Variants in FILIP1 observed in about 807,000 individuals in gnomAD.
FILIP1 encodes filamin-A-interacting protein 1.
FILIP1 carries 61 observed loss-of-function variants against 102.1 expected under a neutral mutation model. The observed-to-expected ratio is 0.60, with a 90% CI of 0.49 to 0.74. The LOEUF (loss-of-function observed/expected upper bound fraction) is 0.74, where lower values mean the gene tolerates loss of function less well. Ranked by LOEUF, FILIP1 falls within the 30% of genes least tolerant of loss-of-function variation. The pLI is 0.00. For missense variants in FILIP1, 1,314 were observed against 1,441.2 expected (o/e 0.91, Z 1.43); for synonymous variants, 491 against 526.9 (o/e 0.93, Z 0.93).
intron 4 of FILIP1, among the ~76,000 whole-genome samples, chr6:75,333,814 TG>T (rs1774154492): frequency 1.3e-5 from 2 of 152,304 alleles, no homozygotes; most frequent in South Asian, 4.1e-4. Context: ...ATTTAGACAA[TG>T]TTTTTTGGCA....
At chr6:75,444,724 G>A (rs1455522599) in intron 1 of FILIP1, among the ~76,000 whole-genome samples, 1 of 152,038 alleles carries the variant, frequency 6.6e-6, no homozygotes, top group Non-Finnish European at 1.5e-5. Flanking sequence ...TGTGTGACTG[G>A]CACAGATTTA....
At chr6:75,411,578 G>A (rs532223157) in intron 2 of FILIP1, among the ~76,000 whole-genome samples, 3 of 151,734 alleles carry the variant, frequency 2.0e-5, no homozygotes, top group Non-Finnish European at 4.4e-5. Flanking sequence ...TTAATCCATC[G>A]AGTTAATTTT....
chr6:75,491,636 C>G (rs1779961071), intron 1 of FILIP1, among the ~76,000 whole-genome samples: 1 of 152,120 alleles, frequency 6.6e-6, no homozygotes, highest in Non-Finnish European at 1.5e-5. Flanking sequence ...GGGAAAGGGA[C>G]AGTTCCAAAA....
chr6:75,442,652 G>A (rs985612811), intron 1 of FILIP1, among the ~76,000 whole-genome samples: 15 of 152,248 alleles, frequency 9.9e-5, no homozygotes, highest in Non-Finnish European at 2.1e-4. Context: ...CACTCGGCAG[G>A]CTGAGGCAGG....
At chr6:75,320,420 A>C (rs894270165) in intron 4 of FILIP1, among the ~76,000 whole-genome samples, 37 of 152,028 alleles carry the variant, frequency 2.4e-4, no homozygotes, top group Middle Eastern at 3.4e-3. Context: ...AAAGCAAAAA[A>C]ACAAAAATTA....
At chr6:75,463,603 G>A (rs1315445888) in intron 1 of FILIP1, among the ~76,000 whole-genome samples, 1 of 151,910 alleles carries the variant, frequency 6.6e-6, no homozygotes, top group Non-Finnish European at 1.5e-5. Flanking sequence ...ATAAAATAAG[G>A]GTTCTTTGCA....
At chr6:75,351,303 T>C (rs1582383248) in intron 4 of FILIP1, among the ~76,000 whole-genome samples, 1 of 152,196 alleles carries the variant, frequency 6.6e-6, no homozygotes, top group African/African-American at 2.4e-5. Flanking sequence ...CCCCAGGTGA[T>C]CTGTCTGCCT....
intron 1 of FILIP1, among the ~76,000 whole-genome samples, chr6:75,452,253 C>T (rs749389193): frequency 1.1e-4 from 17 of 151,850 alleles, no homozygotes; most frequent in Admixed American, 2.0e-4. Flanking sequence ...TGCTATCCCT[C>T]CCCCTTGCCC....
intron 1 of FILIP1, among the ~76,000 whole-genome samples, chr6:75,459,064 G>A (rs1233740411): frequency 1.3e-5 from 2 of 152,154 alleles, no homozygotes; most frequent in Non-Finnish European, 2.9e-5. Flanking sequence ...TGCCACATAA[G>A]GTTTGCCTGG....
intron 2 of FILIP1, chr6:75,367,320 G>T (rs924630249): frequency 6.6e-6 from 1 of 151,956 alleles, no homozygotes; most frequent in East Asian, 1.9e-4. Flanking sequence ...CTTACTAAAG[G>T]CTCTTTAATT....
intron 1 of FILIP1, among the ~76,000 whole-genome samples, chr6:75,426,026 C>T (rs1037378670): frequency 1.3e-5 from 2 of 152,112 alleles, no homozygotes; most frequent in African/African-American, 4.8e-5. Flanking sequence ...GTCTCTGTTG[C>T]ATCTACTCAA....
chr6:75,342,858 A>C (rs1774458785), intron 4 of FILIP1, among the ~76,000 whole-genome samples: 1 of 152,184 alleles, frequency 6.6e-6, no homozygotes, highest in African/African-American at 2.4e-5. Flanking sequence ...CAGGAAACTG[A>C]GGCTGTATCA....
chr6:75,354,933 G>C (rs547204414), intron 3 of FILIP1, among the ~76,000 whole-genome samples: 1 of 152,142 alleles, frequency 6.6e-6, no homozygotes, highest in East Asian at 1.9e-4. Context: ...TTTTTCAAGA[G>C]ATGCTAAATA....
intron 4 of FILIP1, among the ~76,000 whole-genome samples, chr6:75,343,981 C>T (rs958435745): frequency 1.3e-5 from 2 of 152,122 alleles, no homozygotes; most frequent in Non-Finnish European, 2.9e-5. Context: ...CAGATAGGCC[C>T]AAAGAGAACT....
At chr6:75,296,464 A>C (rs979915426) in intron 6 of FILIP1, 2 of 109,204 alleles carry the variant, frequency 1.8e-5, no homozygotes, top group Admixed American at 2.1e-4. Flanking sequence ...CTTTTTGCAT[A>C]ACTCTATATG....
chr6:75,461,110 C>A lies in FILIP1; in HGVS notation c.-7+32304G>T, dbSNP rs189056630. Among the ~76,000 whole-genome samples the A allele has an allele frequency of 1.7e-3, 263 of 152,266 alleles. 9 individuals are homozygous for A. The highest frequency in any genetic ancestry group is 3.7e-4 in the Non-Finnish European group (25 of 68,012). ...ATCAAGTTCCTCTTACTCTCTGAATCTGGGCTGTAAAAAACCTCAGCCCAC... is the reference window on the plus strand; with the variant it reads ...ATCAAGTTCCTCTTACTCTCTGAATATGGGCTGTAAAAAACCTCAGCCCAC... On this transcript the variant is annotated intron_variant, in intron 1 of 5. Coordinates refer to ENST00000237172, the MANE Select transcript of FILIP1 (RefSeq NM_015687.5).
At chr6:75,489,454 G>A (rs1779893409) in intron 1 of FILIP1, among the ~76,000 whole-genome samples, 9 of 152,008 alleles carry the variant, frequency 5.9e-5, no homozygotes, top group Admixed American at 5.9e-4. Context: ...AACTTTGTAT[G>A]CAACAAAGAT....
intron 1 of FILIP1, among the ~76,000 whole-genome samples, chr6:75,472,280 T>A (rs1026515156): frequency 8.5e-5 from 13 of 152,204 alleles, no homozygotes; most frequent in African/African-American, 3.1e-4. Context: ...AAGTTTCATT[T>A]ACCCACCCAG....
downstream of FILIP1, among the ~76,000 whole-genome samples, chr6:75,304,270 A>G (rs1040592389): frequency 2.6e-5 from 4 of 152,162 alleles, no homozygotes; most frequent in Admixed American, 2.6e-4. Flanking sequence ...GTTGGAGTGC[A>G]GTGGCACTAT....
Sources: gnomAD v4.1 joint callset for allele counts (sites outside exome capture counted in the v4.1 genomes callset) on GRCh38, gnomAD v4.1.1 for gene constraint, MANE v1.5 for transcripts, NCBI Gene and HGNC (gene_info 2026-07-23, HGNC 2026-07-21) for gene names.